CCDC88A: variants seen among roughly 807,000 people sequenced by gnomAD.
The protein encoded by CCDC88A is girdin.
CCDC88A carries 54 observed loss-of-function variants against 234.3 expected under a neutral mutation model. That is an observed-to-expected ratio of 0.23 (90% confidence interval 0.19 to 0.29). The LOEUF (loss-of-function observed/expected upper bound fraction) is 0.29, where lower values mean the gene tolerates loss of function less well. Among genes scored for constraint, CCDC88A ranks in the 10% least tolerant of loss-of-function variants. The pLI, the probability that CCDC88A is intolerant of heterozygous loss-of-function variation, is 1.00. For missense variants in CCDC88A, 1,832 were observed against 2,123.4 expected, an observed-to-expected ratio of 0.86 and a Z score of 2.70; for synonymous variants, 753 against 737.8, an observed-to-expected ratio of 1.02 and a Z score of -0.33.
At chr2:55,391,766 C>T (rs763040905) in intron 2 of CCDC88A, among the ~76,000 whole-genome samples, 9 of 152,130 alleles carry the variant, frequency 5.9e-5, no homozygotes, top group Non-Finnish European at 1.2e-4. Context: ...TGAACAGAGA[C>T]TAAATGATCT....
At chr2:55,378,702 C>T (rs940372780) in intron 3 of CCDC88A, among the ~76,000 whole-genome samples, 2 of 151,778 alleles carry the variant, frequency 1.3e-5, no homozygotes, top group African/African-American at 2.4e-5. Flanking sequence ...ATTGGTTACC[C>T]TATGGGTTCT....
At chr2:55,390,651 G>T (rs1676491571) in intron 2 of CCDC88A, among the ~76,000 whole-genome samples, 1 of 152,204 alleles carries the variant, frequency 6.6e-6, no homozygotes, top group African/African-American at 2.4e-5. Flanking sequence ...GCAAAGCTAG[G>T]TTCTCTCTAG....
intron 4 of CCDC88A, among the ~76,000 whole-genome samples, chr2:55,373,227 C>T (rs893048527): frequency 6.6e-6 from 1 of 152,104 alleles, no homozygotes; most frequent in South Asian, 2.1e-4. Context: ...CAGACATTTC[C>T]TTCTACTCTC....
At chr2:55,384,670 T>TC (rs1675301267) in intron 3 of CCDC88A, among the ~76,000 whole-genome samples, 1 of 135,170 alleles carries the variant, frequency 7.4e-6, no homozygotes. Context: ...TATATATATT[T>TC]TTTAAAGACA....
At chr2:55,292,383 A>G (rs192631070) in intron 31 of CCDC88A, 1 of 152,180 alleles carries the variant, frequency 6.6e-6, no homozygotes. Context: ...AATAAGTGCA[A>G]TTGCTCAATT....
At chr2:55,329,765 CTTTA>C (rs1373160495) in intron 16 of CCDC88A, 3 of 152,238 alleles carry the variant, frequency 2.0e-5, no homozygotes, top group South Asian at 2.1e-4. Flanking sequence ...AACTCTACCA[CTTTA>C]TTTATTTAGA....
intron 2 of CCDC88A, among the ~76,000 whole-genome samples, chr2:55,396,636 T>C (rs1238663529): frequency 6.6e-6 from 1 of 152,072 alleles, no homozygotes; most frequent in Non-Finnish European, 1.5e-5. Flanking sequence ...TTTGGGAGGC[T>C]GAGGCGGGCA....
At chr2:55,384,551 GTA>G (rs750233154) in intron 3 of CCDC88A, among the ~76,000 whole-genome samples, 7,523 of 75,194 alleles carry the variant, frequency 0.1, 2,451 homozygotes, top group Middle Eastern at 0.14. Context: ...GTATATATGT[GTA>G]TATATACACA....
Position 55,311,795 on chromosome 2 carries a change from C to G in CCDC88A, c.4079+639G>C, listed in dbSNP as rs182458062. On this transcript the variant is annotated intron_variant, in intron 23 of 32. Coordinates refer to ENST00000436346, the MANE Select transcript of CCDC88A (RefSeq NM_001365480.1). Reference sequence around the variant, plus strand: ...AACAGATTGTTTAACTTTCTGGAGACACAACTTACCAATAATTAAGCCCTG... The same window carrying G: ...AACAGATTGTTTAACTTTCTGGAGAGACAACTTACCAATAATTAAGCCCTG... Among the ~76,000 whole-genome samples, 149 of 152,304 alleles carry G rather than the reference C, an allele frequency of 9.8e-4. 3 individuals carry two copies. In the Middle Eastern group the frequency reaches 0.014, roughly 14 times the overall value.
At chr2:55,387,370 C>T (rs752536763) in intron 3 of CCDC88A, among the ~76,000 whole-genome samples, 3 of 151,916 alleles carry the variant, frequency 2.0e-5, no homozygotes, top group Non-Finnish European at 2.9e-5. Context: ...TAAAGATACT[C>T]ATTAATTTTG....
chr2:55,324,854 C>G (rs1684068346), intron 17 of CCDC88A, among the ~76,000 whole-genome samples: 1 of 152,124 alleles, frequency 6.6e-6, no homozygotes, highest in Admixed American at 6.5e-5. Flanking sequence ...CCATGTTGGC[C>G]AGGCTCGTCT....
At chr2:55,356,235 T>C (rs1670553043) in intron 7 of CCDC88A, 1 of 152,364 alleles carries the variant, frequency 6.6e-6, no homozygotes, top group South Asian at 2.1e-4. Context: ...CACTTATAAG[T>C]GAGAACCTGT....
At chr2:55,401,272 A>C (rs917108875) in intron 2 of CCDC88A, among the ~76,000 whole-genome samples, 1 of 150,820 alleles carries the variant, frequency 6.6e-6, no homozygotes. Context: ...TCTACAAAAA[A>C]ACAAAATTTT....
intron 3 of CCDC88A, among the ~76,000 whole-genome samples, chr2:55,379,041 C>T (rs1256824335): frequency 1.3e-5 from 2 of 152,072 alleles, no homozygotes; most frequent in African/African-American, 2.4e-5. Context: ...CCACTGCGCC[C>T]GGCCTGGATT....
At chr2:55,300,539 C>A (rs1680766574) in intron 28 of CCDC88A, 2 of 152,474 alleles carry the variant, frequency 1.3e-5, no homozygotes, top group African/African-American at 4.8e-5. Context: ...GAGTCAGAGT[C>A]TCACTCTGTC....
chr2:55,387,407 G>A (rs945617678), intron 3 of CCDC88A, among the ~76,000 whole-genome samples: 1 of 152,062 alleles, frequency 6.6e-6, no homozygotes, highest in Admixed American at 6.6e-5. Context: ...GGTATAAAAT[G>A]TATGATTTTG....
chr2:55,392,130 T>G (rs1437262207), intron 2 of CCDC88A, among the ~76,000 whole-genome samples: 1 of 152,224 alleles, frequency 6.6e-6, no homozygotes, highest in Non-Finnish European at 1.5e-5. Context: ...TTCTTCTCAA[T>G]GCATCCTATT....
rs1679396137 is a variant in CCDC88A at position 55,290,905 on chromosome 2, G to A, written c.*295C>T. The A allele has an allele frequency of 6.6e-6, 1 of 152,512 alleles. No individual in the cohort carries two copies. The highest frequency in any genetic ancestry group is 1.9e-4 in the East Asian group (1 of 5,198). The allele number at this position is 152,512 out of a possible 1,614,324, so 9.4% of individuals were successfully genotyped here. ...AACCTTAAAACACCTGGTCCTTAGT[G>A]AGAGAACGTCCTTTATTCAGTAGAT... On this transcript the variant is annotated 3_prime_UTR_variant, in exon 33 of 33. Coordinates refer to ENST00000436346, the MANE Select transcript of CCDC88A (RefSeq NM_001365480.1).
chr2:55,389,143 G>C (rs567880852), intron 2 of CCDC88A, among the ~76,000 whole-genome samples: 144 of 152,210 alleles, frequency 9.5e-4, no homozygotes, highest in African/African-American at 3.3e-3. Flanking sequence ...TCATTGTCAT[G>C]TTGCCACTCC....
Sources: gnomAD v4.1 joint callset for allele counts (sites outside exome capture counted in the v4.1 genomes callset) on GRCh38, gnomAD v4.1.1 for gene constraint, MANE v1.5 for transcripts, NCBI Gene and HGNC (gene_info 2026-07-23, HGNC 2026-07-21) for gene names.